Variants in TESMIN observed in about 807,000 individuals in gnomAD.
The protein encoded by TESMIN is CXC domain containing 2.
Under a neutral mutation model 47.4 loss-of-function variants are expected in TESMIN, and 34 were observed. That is an observed-to-expected ratio of 0.72 (90% CI 0.55 to 0.96). The LOEUF (loss-of-function observed/expected upper bound fraction) is 0.96. Among genes scored for constraint, TESMIN ranks in the 40% least tolerant of loss-of-function variants. The probability of loss-of-function intolerance (pLI) is 0.00; values close to 1 mark genes in which losing one functional copy is unlikely to be tolerated. For synonymous variants in TESMIN, 278 were observed against 258.9 expected (o/e 1.07, Z -0.71); for missense variants, 610 against 637.2 (o/e 0.96, Z 0.46).
chr11:68,745,300 C>CAAAAAAAAAA (rs71993839), intron 3 of TESMIN, among the ~76,000 whole-genome samples, 189 bp from the exon 4 acceptor site: 2 of 72,480 alleles, frequency 2.8e-5, no homozygotes, highest in Non-Finnish European at 5.7e-5. Context: ...CACCAAAGGG[C>CAAAAAAAAAA]AAAAAAAAAA....
In TESMIN at chr11:68,745,079, C is replaced by T. The variant is rs1946501933; in HGVS notation, c.663G>A (p.Met221Ile). 8.2e-6 allele frequency: 13 copies of T among 1,585,232 alleles called. No homozygotes were observed. The highest frequency in any genetic ancestry group is 1.2e-5 in the South Asian group (1 of 84,022). ...TTGTTCTAGAATTGTCTATACATAG[C>T]ATTTGTGTGCCCCCTTTCAATTGGC... is the stretch of plus-strand genomic sequence containing the variant. ...VICQLKGGTQ[M>I]LCIDNSRTRE... The change falls in exon 4 of 10, where the codon ATG becomes ATA. Residue 221 changes from methionine to isoleucine, a missense_variant. Met to Ile is a conservative substitution (Grantham distance 10). Coordinates refer to ENST00000255087, the MANE Select transcript of TESMIN (RefSeq NM_004923.3).
downstream of TESMIN, among the ~76,000 whole-genome samples, chr11:68,705,775 C>G (rs1217683935): frequency 1.3e-5 from 2 of 152,168 alleles, no homozygotes; most frequent in African/African-American, 2.4e-5. Flanking sequence ...GTAATCCCAG[C>G]TCTTTGGGAG....
intron 6 of TESMIN, among the ~76,000 whole-genome samples, chr11:68,726,376 C>G (rs1290077155): frequency 6.6e-6 from 1 of 152,038 alleles, no homozygotes; most frequent in Non-Finnish European, 1.5e-5. Flanking sequence ...CACCAAGCTC[C>G]AAGTGGAAGC....
At chr11:68,706,968 C>T (rs893043229), downstream of TESMIN, among the ~76,000 whole-genome samples, 16 of 152,226 alleles carry the variant, frequency 1.1e-4, no homozygotes, top group African/African-American at 3.9e-4. Flanking sequence ...GTGGCTCCCC[C>T]AGCAGTGCGC....
chr11:68,746,116 C>T lies in TESMIN; in HGVS notation c.631-1005G>A, dbSNP rs574836043. ...ATCATCCTGACATCTGATGAGAGGC[C>T]AGCATTCATGTTCAATTGGAGTTGT... is the stretch of plus-strand genomic sequence containing the variant. On this transcript the variant is annotated intron_variant, in intron 3 of 9. Transcript: ENST00000255087. Among the ~76,000 whole-genome samples, 28 of 152,196 alleles carry T rather than the reference C, an allele frequency of 1.8e-4. No individual in the cohort carries two copies. The South Asian group carries it at 3.9e-3, about 21-fold the overall frequency.
rs896887703 is a variant in TESMIN, at chr11:68,742,167, T to G, written c.828+151A>C. 6 of 564,094 alleles carry G rather than the reference T, an allele frequency of 1.1e-5. No individual in the cohort carries two copies. The African/African-American group carries it at 1.1e-4, about 11-fold the overall frequency. 34.9% of individuals were successfully genotyped at this position (564,094 alleles called of 1,614,324 possible). On this transcript the variant is annotated intron_variant, in intron 5 of 9. Coordinates refer to ENST00000255087, the MANE Select transcript of TESMIN (RefSeq NM_004923.3). ...CTCCAGCCCACAGTGTCTGACACAG[T>G]GGGGCAGGGACTGAACACTTGGTAA... is the stretch of plus-strand genomic sequence containing the variant.
intron 7 of TESMIN, among the ~76,000 whole-genome samples, chr11:68,715,490 C>T (rs545749056): frequency 6.6e-6 from 1 of 152,374 alleles, no homozygotes; most frequent in African/African-American, 2.4e-5. Context: ...TTTGCGGCTA[C>T]ACTGCTCCAG....
chr11:68,709,063 T>TA (rs34606064), intron 9 of TESMIN, among the ~76,000 whole-genome samples: 1,695 of 120,490 alleles, frequency 0.014, 26 homozygotes, highest in African/African-American at 0.044. Flanking sequence ...GACCCTGTCT[T>TA]AAAAAAAAAA....
intron 6 of TESMIN, chr11:68,732,823 C>A (rs1315293043): frequency 6.6e-6 from 1 of 152,218 alleles, no homozygotes; most frequent in Admixed American, 6.5e-5. Flanking sequence ...GTTGTGTGAA[C>A]TAAGTTTCAC....
At position 68,747,410 on chromosome 11, in the gene TESMIN, C is replaced by T. The variant is rs143494941; in HGVS notation, c.472-44G>A. On this transcript the variant is annotated intron_variant, in intron 2 of 9. Coordinates refer to ENST00000255087, the MANE Select transcript of TESMIN (RefSeq NM_004923.3). ...TATTTTAGAGAACACATGGTGGACA[C>T]TGGCTCTTGCAGTTGCATAATTTAG... The T allele has an allele frequency of 6.1e-5, 93 of 1,524,888 alleles. No homozygotes were observed. In the African/African-American group the frequency reaches 1.1e-3, roughly 18 times the overall value. The allele number at this position is 1,524,888 out of a possible 1,614,324, so 94.5% of individuals were successfully genotyped here. A position where few individuals can be genotyped will look rare whatever the true frequency, so the allele number is the denominator to read the frequency against.
intron 8 of TESMIN, among the ~76,000 whole-genome samples, chr11:68,711,271 G>A (rs563077502): frequency 3.3e-5 from 5 of 149,682 alleles, no homozygotes; most frequent in African/African-American, 1.2e-4. Flanking sequence ...GAGTGTGAAT[G>A]TGTAAGAGTG....
In TESMIN at chr11:68,707,726, G is replaced by T. The variant is rs1016322919; in HGVS notation, c.*582C>A. The T allele has an allele frequency of 2.3e-6, 1 of 427,326 alleles. No homozygotes were observed. Among genetic ancestry groups the T allele is most frequent in the Non-Finnish European group, 4.9e-6 (1 of 206,090 alleles). 26.5% of individuals were successfully genotyped at this position (427,326 alleles called of 1,614,324 possible). On this transcript the variant is annotated 3_prime_UTR_variant, in exon 10 of 10. Transcript: ENST00000255087. Reference sequence around the variant, plus strand: ...GGCCCCATTGCCTGCGTCTCCCGGGGGCCTTAGGAAAGACTGACAGTTCGC... The same window carrying T: ...GGCCCCATTGCCTGCGTCTCCCGGGTGCCTTAGGAAAGACTGACAGTTCGC...
Position 68,748,922 on chromosome 11 carries a change from G to A in TESMIN, c.471+1268C>T, listed in dbSNP as rs376717610. On this transcript the variant is annotated intron_variant, in intron 2 of 9. Transcript: ENST00000255087. ...GCAATCTCGGCTCACTGCAGCCTTCGCCTCCCAGGTTCAAGCAATTCTCCT... is the reference window on the plus strand; with the variant it reads ...GCAATCTCGGCTCACTGCAGCCTTCACCTCCCAGGTTCAAGCAATTCTCCT... Among the ~76,000 whole-genome samples the A allele has an allele frequency of 4.3e-4, 66 of 152,206 alleles. 1 individual carries two copies. In the South Asian group the frequency reaches 0.012, roughly 27 times the overall value.
chr11:68,743,930 C>G (rs770135410), intron 4 of TESMIN, among the ~76,000 whole-genome samples: 10 of 152,168 alleles, frequency 6.6e-5, no homozygotes, highest in African/African-American at 9.7e-5. Context: ...TATAAACTCT[C>G]TCCTCCTGCA....
chr11:68,740,113 A>G (rs1243988016), intron 5 of TESMIN, among the ~76,000 whole-genome samples: 2 of 152,128 alleles, frequency 1.3e-5, no homozygotes, highest in African/African-American at 4.8e-5. Flanking sequence ...AGGGCTTCTC[A>G]GACTCTGCTG....
At position 68,747,290 on chromosome 11, in the gene TESMIN, T is replaced by A. The variant is rs746620775; in HGVS notation, c.548A>T (p.Gln183Leu). 4.8e-5 allele frequency: 77 copies of A among 1,613,908 alleles called. No individual in the cohort carries two copies. Among genetic ancestry groups the A allele is most frequent in the Non-Finnish European group, 5.9e-5 (70 of 1,179,844 alleles). The part of the protein sequence containing the change: ...EEATLQNLLA[Q>L]ESCCKFPSSQ... ...CGATGGGAACTTGCAACAGGATTCC[T>A]GAGCAAGAAGATTCTGCAAAGTTGC... Residue 183 changes from glutamine to leucine, a missense_variant, in exon 3 of 10, where the codon CAG (glutamine) becomes CTG (leucine). Coordinates refer to ENST00000255087, the MANE Select transcript of TESMIN (RefSeq NM_004923.3).
chr11:68,713,263 C>T lies in TESMIN; in HGVS notation c.1158+7G>A. The T allele has an allele frequency of 2.5e-6, 4 of 1,612,976 alleles. No individual in the cohort carries two copies. The highest frequency in any genetic ancestry group is 3.4e-6 in the Non-Finnish European group (4 of 1,179,284). ...TTTGTTAGTGAGTTAGGGAGCTGGG[C>T]ACTAACCTCATAGCACTCGCAGTAA... On this transcript the variant is annotated splice_region_variant and intron_variant, in intron 8 of 9. Coordinates refer to ENST00000255087, the MANE Select transcript of TESMIN (RefSeq NM_004923.3).
intron 9 of TESMIN, among the ~76,000 whole-genome samples, chr11:68,709,907 C>T (rs182075255): frequency 7.0e-4 from 106 of 152,306 alleles, no homozygotes; most frequent in Non-Finnish European, 8.5e-4. Flanking sequence ...CGGTGGCTTA[C>T]GCCTGTAATC....
chr11:68,713,241 G>T lies in TESMIN; in HGVS notation c.1158+29C>A, dbSNP rs4465374. On this transcript the variant is annotated intron_variant, in intron 8 of 9. Transcript: ENST00000255087. ...CTCAACATATTTACCTGTGTTTTTT[G>T]TTAGTGAGTTAGGGAGCTGGGCACT... 1.8e-3 allele frequency: 2,918 copies of T among 1,579,900 alleles called. 49 individuals are homozygous for T. In the African/African-American group the frequency reaches 0.036, roughly 19 times the overall value.
Sources: allele counts gnomAD v4.1 joint callset (sites outside exome capture counted in the v4.1 genomes callset), GRCh38; gene constraint gnomAD v4.1.1; transcripts MANE v1.5; gene names NCBI Gene and HGNC (gene_info 2026-07-23, HGNC 2026-07-21).